Variants in AVEN observed in about 807,000 individuals in gnomAD.
AVEN encodes apoptosis and caspase activation inhibitor.
AVEN carries 41 observed loss-of-function variants against 38.1 expected under a neutral mutation model. The ratio of observed to expected loss-of-function variants is 1.08; its 90% CI spans 0.84 to 1.40. The LOEUF (loss-of-function observed/expected upper bound fraction) is 1.40, where lower values mean the gene tolerates loss of function less well. Among genes scored for constraint, AVEN ranks in the 40% most tolerant of loss-of-function variants. The pLI is 0.00. For synonymous variants in AVEN, 206 were observed against 171.8 expected (o/e 1.20, Z -1.56); for missense variants, 605 against 438.8 (o/e 1.38, Z -3.38).
At chr15:34,005,542 G>A (rs1897305545) in intron 1 of AVEN, among the ~76,000 whole-genome samples, 1 of 152,136 alleles carries the variant, frequency 6.6e-6, no homozygotes, top group Non-Finnish European at 1.5e-5. Context: ...TGAACCCTTT[G>A]TTACAGCACA....
At chr15:33,873,545 C>T (rs1456048070) in intron 3 of AVEN, among the ~76,000 whole-genome samples, 1 of 147,244 alleles carries the variant, frequency 6.8e-6, no homozygotes, top group African/African-American at 2.5e-5. Flanking sequence ...TATATATGCA[C>T]TCAATATATA....
chr15:34,070,738 C>T (rs682484), intron 1 of AVEN, among the ~76,000 whole-genome samples: 150,744 of 152,340 alleles, frequency 0.99, 74,605 homozygotes, highest in Middle Eastern at 1. Flanking sequence ...TTGAACAACT[C>T]TGGAGACACT....
intron 4 of AVEN, chr15:34,064,530 C>A (rs1464215317): frequency 1.7e-6 from 1 of 602,816 alleles, no homozygotes; most frequent in Non-Finnish European, 2.9e-6. Context: ...ATGACCAAGG[C>A]CATTTGATGC....
At chr15:34,013,175 T>A (rs1451547853) in intron 1 of AVEN, among the ~76,000 whole-genome samples, 1 of 151,954 alleles carries the variant, frequency 6.6e-6, no homozygotes, top group Admixed American at 6.6e-5. Flanking sequence ...GATTCTCATG[T>A]CTCAGCCTCC....
chr15:34,068,014 T>C (rs1312997323), intron 2 of AVEN, among the ~76,000 whole-genome samples: 2 of 152,212 alleles, frequency 1.3e-5, no homozygotes, highest in Non-Finnish European at 2.9e-5. Context: ...TTTGAAATCA[T>C]TTAAAATTTA....
downstream of AVEN, among the ~76,000 whole-genome samples, chr15:33,863,377 C>T (rs1416263232): frequency 1.3e-5 from 2 of 152,166 alleles, no homozygotes; most frequent in African/African-American, 2.4e-5. Flanking sequence ...ACGCTCTATA[C>T]ACTATACCAC....
chr15:34,019,019 C>T (rs1347000953), intron 1 of AVEN, among the ~76,000 whole-genome samples: 1 of 151,846 alleles, frequency 6.6e-6, no homozygotes, highest in Non-Finnish European at 1.5e-5. Flanking sequence ...TCTAACTAGA[C>T]ACAGAGCGCT....
At chr15:34,034,980 T>C (rs1481602018) in intron 1 of AVEN, among the ~76,000 whole-genome samples, 1 of 152,202 alleles carries the variant, frequency 6.6e-6, no homozygotes, top group Non-Finnish European at 1.5e-5. Flanking sequence ...GGCTGGTGGC[T>C]ACTCTGAGCA....
intron 1 of AVEN, among the ~76,000 whole-genome samples, chr15:34,012,234 G>GA (rs1447954892): frequency 1.3e-5 from 2 of 151,918 alleles, no homozygotes; most frequent in Non-Finnish European, 2.9e-5. Flanking sequence ...GTTATGATCT[G>GA]AGAGAAAAGA....
intron 2 of AVEN, among the ~76,000 whole-genome samples, chr15:33,931,866 T>C (rs972149022): frequency 1.3e-5 from 2 of 152,088 alleles, no homozygotes; most frequent in Non-Finnish European, 2.9e-5. Flanking sequence ...TTGGGAAAAA[T>C]AGCTCATCAG....
intron 2 of AVEN, among the ~76,000 whole-genome samples, chr15:33,983,209 T>TACAC (rs1467897642): frequency 7.3e-5 from 3 of 41,038 alleles, no homozygotes; most frequent in African/African-American, 1.9e-4. Flanking sequence ...TGTATATATA[T>TACAC]ATATACATAT....
chr15:34,051,756 C>G (rs989420756), intron 5 of AVEN, among the ~76,000 whole-genome samples: 2 of 152,036 alleles, frequency 1.3e-5, no homozygotes, highest in African/African-American at 2.4e-5. Context: ...TGGATAAATC[C>G]TGAACACATA....
chr15:33,862,560 A>G (rs957162044), downstream of AVEN, among the ~76,000 whole-genome samples: 9 of 152,266 alleles, frequency 5.9e-5, no homozygotes, highest in African/African-American at 2.2e-4. Flanking sequence ...GCATTGTCAG[A>G]AGTGGCAAAG....
chr15:34,036,090 C>A (rs1899110339), intron 1 of AVEN, among the ~76,000 whole-genome samples: 1 of 150,766 alleles, frequency 6.6e-6, no homozygotes, highest in African/African-American at 2.4e-5. Context: ...GCCACCACAC[C>A]CAGCCAGTTT....
At chr15:33,915,976 T>C (rs1412031156) in intron 2 of AVEN, among the ~76,000 whole-genome samples, 1 of 152,104 alleles carries the variant, frequency 6.6e-6, no homozygotes, top group African/African-American at 2.4e-5. Context: ...ATAACTCCAC[T>C]GGCCTGAGAG....
intron 5 of AVEN, among the ~76,000 whole-genome samples, chr15:34,047,076 T>TTG (rs962389030): frequency 6.7e-6 from 1 of 148,516 alleles, no homozygotes; most frequent in Non-Finnish European, 1.5e-5. Flanking sequence ...TTTGTTGGTT[T>TTG]TTTTTTTTTT....
intron 2 of AVEN, among the ~76,000 whole-genome samples, chr15:33,994,546 C>T (rs779028882): frequency 2.6e-5 from 4 of 152,160 alleles, no homozygotes; most frequent in African/African-American, 4.8e-5. Context: ...TCCACAAAAC[C>T]GGTCCCTGGT....
At chr15:33,857,982 G>A (rs2079879569), downstream of AVEN, 1 of 1,595,888 alleles carries the variant, frequency 6.3e-7, no homozygotes, top group African/African-American at 1.3e-5. Flanking sequence ...CACCTCACTG[G>A]GAAGAAGGGC....
intron 2 of AVEN, among the ~76,000 whole-genome samples, chr15:33,892,663 A>G (rs548038278): frequency 3.3e-5 from 5 of 152,242 alleles, no homozygotes; most frequent in African/African-American, 1.2e-4. Flanking sequence ...TGATGCCTCC[A>G]GCTTTGTTCT....
Sources: allele counts gnomAD v4.1 joint callset (sites outside exome capture counted in the v4.1 genomes callset), GRCh38; gene constraint gnomAD v4.1.1; transcripts MANE v1.5; gene names NCBI Gene and HGNC (gene_info 2026-07-23, HGNC 2026-07-21).